GPC5: variants seen among roughly 807,000 people sequenced by gnomAD.
GPC5 encodes the protein glypican 5.
In GPC5, 47 loss-of-function variants were observed where a neutral mutation model predicts 53.9. The observed-to-expected ratio is 0.87, with a 90% CI of 0.69 to 1.11. The LOEUF (loss-of-function observed/expected upper bound fraction) is 1.11, where lower values mean the gene tolerates loss of function less well. GPC5 is among the 50% of genes most tolerant of loss of function. GPC5 has a pLI of 0.00. For missense variants in GPC5, 748 were observed against 713.1 expected, an observed-to-expected ratio of 1.05 and a Z score of -0.56; for synonymous variants, 286 against 263.3, an observed-to-expected ratio of 1.09 and a Z score of -0.84.
intron 6 of GPC5, among the ~76,000 whole-genome samples, chr13:92,118,452 G>A (rs1349865952): frequency 6.6e-6 from 1 of 152,108 alleles, no homozygotes; most frequent in East Asian, 1.9e-4. Context: ...GAAGTTCTAA[G>A]TGCCTGTGCA....
intron 7 of GPC5, among the ~76,000 whole-genome samples, chr13:92,683,649 T>G (rs1887170902): frequency 6.6e-6 from 1 of 152,210 alleles, no homozygotes; most frequent in Non-Finnish European, 1.5e-5. Context: ...CATTTCAGTG[T>G]TGTTATTCAA....
intron 7 of GPC5, among the ~76,000 whole-genome samples, chr13:92,300,219 G>A (rs2043066271): frequency 6.6e-6 from 1 of 152,104 alleles, no homozygotes; most frequent in South Asian, 2.1e-4. Context: ...GGGAAGCTTG[G>A]TTCCTAAAGA....
At chr13:91,535,991 T>A (rs1280877596) in intron 2 of GPC5, among the ~76,000 whole-genome samples, 1 of 152,242 alleles carries the variant, frequency 6.6e-6, no homozygotes, top group Non-Finnish European at 1.5e-5. Context: ...TGAATATTTC[T>A]ATATATGATT....
At chr13:92,631,886 A>G (rs982091608) in intron 7 of GPC5, among the ~76,000 whole-genome samples, 1 of 152,208 alleles carries the variant, frequency 6.6e-6, no homozygotes, top group African/African-American at 2.4e-5. Context: ...CTACATGTAA[A>G]TCAATTTTGT....
At chr13:92,606,046 C>A (rs1884246118) in intron 7 of GPC5, among the ~76,000 whole-genome samples, 1 of 152,008 alleles carries the variant, frequency 6.6e-6, no homozygotes, top group South Asian at 2.1e-4. Flanking sequence ...TGGTCTGGGA[C>A]CCTAACTTGG....
intron 1 of GPC5, among the ~76,000 whole-genome samples, chr13:91,431,149 G>C (rs1879418303): frequency 6.6e-6 from 1 of 152,116 alleles, no homozygotes; most frequent in Non-Finnish European, 1.5e-5. Context: ...AAAGTGCTGG[G>C]ATTACAGGTA....
intron 7 of GPC5, among the ~76,000 whole-genome samples, chr13:92,827,099 T>C (rs938507050): frequency 1.3e-5 from 2 of 152,120 alleles, no homozygotes; most frequent in African/African-American, 4.8e-5. Context: ...TAAAAGTCTT[T>C]GTAGATTTAA....
chr13:92,711,194 T>C (rs1888127475), intron 7 of GPC5, among the ~76,000 whole-genome samples: 1 of 152,192 alleles, frequency 6.6e-6, no homozygotes, highest in Admixed American at 6.5e-5. Context: ...GTAAAAATTC[T>C]CTGTCAATAA....
chr13:92,692,754 A>ATTTTTTTTTTTT lies in GPC5; in HGVS notation c.1562-173517_1562-173506dup, dbSNP rs71272284. Among the ~76,000 whole-genome samples the ATTTTTTTTTTTT allele has an allele frequency of 2.9e-3, 235 of 81,012 alleles. 19 individuals carry two copies. Among genetic ancestry groups the ATTTTTTTTTTTT allele is most frequent in the African/African-American group, 8.9e-3 (184 of 20,724 alleles). The allele number at this position is 81,012 out of a possible 152,430, so 53.1% of individuals were successfully genotyped here. A position where few individuals can be genotyped will look rare whatever the true frequency, so the allele number is the denominator to read the frequency against. On this transcript the variant is annotated intron_variant, in intron 7 of 7. Transcript: ENST00000377067. ...CTCCAAAGCCTCACCAATATCGGCTATTTTTTTTTTTTTTTTTTTTTTACA... is the reference window on the plus strand; with the variant it reads ...CTCCAAAGCCTCACCAATATCGGCTATTTTTTTTTTTTTTTTTTTTTTTTTTTTTTTTTTACA...
intron 7 of GPC5, among the ~76,000 whole-genome samples, chr13:92,669,408 CACAT>C (rs1210765922): frequency 6.6e-6 from 1 of 152,172 alleles, no homozygotes; most frequent in Non-Finnish European, 1.5e-5. Flanking sequence ...ACCTTACACA[CACAT>C]ACACTTACTT....
intron 7 of GPC5, among the ~76,000 whole-genome samples, chr13:92,569,276 C>T (rs968877487): frequency 5.9e-5 from 9 of 152,006 alleles, no homozygotes; most frequent in African/African-American, 1.4e-4. Context: ...TCAATGAATG[C>T]TCACACTGTC....
At chr13:92,584,590 T>C (rs1259061059) in intron 7 of GPC5, among the ~76,000 whole-genome samples, 1 of 152,158 alleles carries the variant, frequency 6.6e-6, no homozygotes, top group Non-Finnish European at 1.5e-5. Context: ...AAATCCATTT[T>C]CTGAAGAGAA....
chr13:91,468,231 A>G (rs1882371727), intron 2 of GPC5, among the ~76,000 whole-genome samples: 1 of 152,108 alleles, frequency 6.6e-6, no homozygotes, highest in Admixed American at 6.6e-5. Flanking sequence ...ACAGCGGAAC[A>G]TAGATGTTCT....
intron 7 of GPC5, among the ~76,000 whole-genome samples, chr13:92,385,452 A>ACG (rs2043791539): frequency 7.8e-6 from 1 of 128,450 alleles, no homozygotes; most frequent in African/African-American, 3.3e-5. Flanking sequence ...ATACATATAT[A>ACG]CATATATACA....
At position 91,976,473 on chromosome 13, in the gene GPC5, C is replaced by T. The variant is rs547323581; in HGVS notation, c.1401+68416C>T. Among the ~76,000 whole-genome samples the T allele has an allele frequency of 3.3e-5, 5 of 152,158 alleles. No individual in the cohort carries two copies. In the South Asian group the frequency reaches 8.3e-4, roughly 25 times the overall value. On this transcript the variant is annotated intron_variant, in intron 6 of 7. Transcript: ENST00000377067. ...GGAGATGGGAGATCAGCCTCAAATC[C>T]GTCTCTCTGATGCCCTACAATTAGG...
intron 7 of GPC5, among the ~76,000 whole-genome samples, chr13:92,835,716 T>A (rs1256042746): frequency 6.6e-6 from 1 of 151,974 alleles, no homozygotes; most frequent in Admixed American, 6.6e-5. Flanking sequence ...TCTAACTGAT[T>A]CACATAACCT....
chr13:92,533,838 C>T (rs1013063487), intron 7 of GPC5, among the ~76,000 whole-genome samples: 14 of 152,122 alleles, frequency 9.2e-5, no homozygotes, highest in Admixed American at 1.3e-4. Context: ...ACATCTTTTT[C>T]AGGGTCCTTG....
intron 5 of GPC5, among the ~76,000 whole-genome samples, chr13:91,872,961 C>T (rs933478540): frequency 1.3e-5 from 2 of 152,058 alleles, no homozygotes; most frequent in African/African-American, 4.8e-5. Flanking sequence ...CAAGTCATTT[C>T]AAAATATTTT....
intron 2 of GPC5, among the ~76,000 whole-genome samples, chr13:91,493,741 A>G (rs1884068813): frequency 6.6e-6 from 1 of 151,992 alleles, no homozygotes; most frequent in African/African-American, 2.4e-5. Flanking sequence ...TCAAAGTTCT[A>G]TATCCCTTTC....
Sources: gnomAD v4.1 joint callset for allele counts (sites outside exome capture counted in the v4.1 genomes callset) on GRCh38, gnomAD v4.1.1 for gene constraint, MANE v1.5 for transcripts, NCBI Gene and HGNC (gene_info 2026-07-23, HGNC 2026-07-21) for gene names.